SEM1: variants seen among roughly 807,000 people sequenced by gnomAD.
SEM1 encodes 26S proteasome complex subunit SEM1.
A neutral mutation model predicts 12.7 loss-of-function variants in SEM1; 3 were observed. That is an observed-to-expected ratio of 0.24 (90% CI 0.11 to 0.61). The LOEUF (loss-of-function observed/expected upper bound fraction) is 0.61, where lower values mean the gene tolerates loss of function less well. Ranked by LOEUF, SEM1 falls within the 20% of genes least tolerant of loss-of-function variation. The pLI, the probability that SEM1 is intolerant of heterozygous loss-of-function variation, is 0.88. For missense variants in SEM1, 59 were observed against 81.3 expected (o/e 0.73, Z 1.06); for synonymous variants, 30 against 27.8 (o/e 1.08, Z -0.25).
chr7:96,501,763 G>A (rs538448923), intron 3 of SEM1, among the ~76,000 whole-genome samples: 3 of 152,088 alleles, frequency 2.0e-5, no homozygotes, highest in African/African-American at 7.2e-5. Flanking sequence ...TTAGATTCAG[G>A]TGGTACTTGT....
intron 2 of SEM1, among the ~76,000 whole-genome samples, chr7:96,606,671 C>T (rs1428370401): frequency 6.6e-6 from 1 of 152,214 alleles, no homozygotes; most frequent in Non-Finnish European, 1.5e-5. Flanking sequence ...ATTTCTTTCA[C>T]TGCATTGAGG....
At chr7:96,543,651 C>A (rs963788818) in intron 2 of SEM1, among the ~76,000 whole-genome samples, 1 of 151,838 alleles carries the variant, frequency 6.6e-6, no homozygotes, top group Non-Finnish European at 1.5e-5. Context: ...TAGCATTAAC[C>A]TAAGGAAATA....
chr7:96,706,246 T>C (rs934518281), intron 1 of SEM1: 1 of 152,188 alleles, frequency 6.6e-6, no homozygotes, highest in East Asian at 1.9e-4. Context: ...TTCCAGATGT[T>C]GCACTTTACA....
At chr7:96,611,776 A>G (rs28720864) in intron 2 of SEM1, among the ~76,000 whole-genome samples, 53 of 152,138 alleles carry the variant, frequency 3.5e-4, no homozygotes, top group African/African-American at 1.3e-3. Context: ...CTCATGAACA[A>G]CTCCTAACAG....
intron 2 of SEM1, among the ~76,000 whole-genome samples, chr7:96,656,852 AAT>A (rs57916069): frequency 0.61 from 88,487 of 144,422 alleles, 29,185 homozygotes; most frequent in East Asian, 0.8. Context: ...TATAATGTTA[AAT>A]ATATATATAT....
chr7:96,524,442 T>C (rs960505538), intron 2 of SEM1, among the ~76,000 whole-genome samples: 1 of 152,168 alleles, frequency 6.6e-6, no homozygotes, highest in Non-Finnish European at 1.5e-5. Context: ...TATTTTATTT[T>C]ATTTTAATTA....
At chr7:96,492,759 ATG>A (rs138520257) in intron 1 of SEM1, among the ~76,000 whole-genome samples, 49,866 of 142,648 alleles carry the variant, frequency 0.35, 9,313 homozygotes, top group East Asian at 0.64. Context: ...AATAATATTC[ATG>A]TGTGTGTGTG....
intron 2 of SEM1, among the ~76,000 whole-genome samples, chr7:96,508,434 C>T (rs547300505): frequency 2.6e-4 from 40 of 152,090 alleles, no homozygotes; most frequent in Non-Finnish European, 4.3e-4. Context: ...TTGGGGTCAA[C>T]GAGAACAGTG....
At chr7:96,605,892 C>T (rs1169927739) in intron 2 of SEM1, among the ~76,000 whole-genome samples, 1 of 152,196 alleles carries the variant, frequency 6.6e-6, no homozygotes, top group Non-Finnish European at 1.5e-5. Flanking sequence ...CACTATCCTG[C>T]TCCATCCTGC....
intron 2 of SEM1, among the ~76,000 whole-genome samples, chr7:96,523,911 T>TA (rs1170009527): frequency 2.0e-5 from 3 of 152,142 alleles, no homozygotes; most frequent in South Asian, 2.1e-4. Context: ...ATTTCTCACT[T>TA]ACGTTTAACA....
intron 2 of SEM1, among the ~76,000 whole-genome samples, chr7:96,656,101 C>T (rs188962904): frequency 7.6e-4 from 116 of 152,284 alleles, no homozygotes; most frequent in Non-Finnish European, 1.2e-3. Context: ...CAGGCTCTTG[C>T]CCTGGGCAGG....
intron 2 of SEM1, among the ~76,000 whole-genome samples, chr7:96,532,319 A>C (rs769461932): frequency 1.3e-5 from 2 of 152,192 alleles, no homozygotes; most frequent in Non-Finnish European, 2.9e-5. Context: ...GTTTGAAAAA[A>C]AAACCCTCTG....
intron 3 of SEM1, among the ~76,000 whole-genome samples, chr7:96,484,209 G>A (rs571048006): frequency 9.9e-5 from 15 of 152,124 alleles, no homozygotes; most frequent in Non-Finnish European, 2.1e-4. Context: ...AGGTCCAGAG[G>A]TTATGCCCTA....
At chr7:96,596,308 A>G (rs1183345696) in intron 2 of SEM1, among the ~76,000 whole-genome samples, 1 of 152,212 alleles carries the variant, frequency 6.6e-6, no homozygotes, top group Non-Finnish European at 1.5e-5. Context: ...ATGGCCAGTA[A>G]TTACCATAAT....
intron 2 of SEM1, among the ~76,000 whole-genome samples, chr7:96,694,008 C>T (rs1343665787): frequency 6.6e-6 from 1 of 151,666 alleles, no homozygotes; most frequent in Non-Finnish European, 1.5e-5. Flanking sequence ...TATTATTCAG[C>T]CATAAAAAGG....
chr7:96,498,112 A>G (rs1803363705), upstream of SEM1, among the ~76,000 whole-genome samples: 1 of 152,150 alleles, frequency 6.6e-6, no homozygotes, highest in Non-Finnish European at 1.5e-5. Flanking sequence ...TTTCTCCTAT[A>G]AAGCAGGTGT....
chr7:96,526,972 G>A (rs1804484782), intron 2 of SEM1, among the ~76,000 whole-genome samples: 1 of 152,058 alleles, frequency 6.6e-6, no homozygotes, highest in South Asian at 2.1e-4. Context: ...TACCAACAGG[G>A]AAGTAAAATG....
intron 3 of SEM1, among the ~76,000 whole-genome samples, chr7:96,505,264 G>C (rs1207573778): frequency 6.6e-6 from 1 of 151,870 alleles, no homozygotes; most frequent in Non-Finnish European, 1.5e-5. Context: ...ACCACGCCCA[G>C]CTAATTTTTT....
intron 2 of SEM1, among the ~76,000 whole-genome samples, chr7:96,657,731 T>G (rs1414269943): frequency 6.6e-6 from 1 of 152,226 alleles, no homozygotes; most frequent in Non-Finnish European, 1.5e-5. Flanking sequence ...ACAAAAGAAT[T>G]TCCTGCTAAA....
Sources: allele counts gnomAD v4.1 joint callset (sites outside exome capture counted in the v4.1 genomes callset), GRCh38; gene constraint gnomAD v4.1.1; transcripts MANE v1.5; gene names NCBI Gene and HGNC (gene_info 2026-07-23, HGNC 2026-07-21).